Variants in RBFOX1 observed in about 807,000 individuals in gnomAD.
The protein encoded by RBFOX1 is RNA binding protein fox-1 homolog 1.
Under a neutral mutation model 57.7 loss-of-function variants are expected in RBFOX1, and 8 were observed. That is an observed-to-expected ratio of 0.14 (90% CI 0.08 to 0.25). The LOEUF is 0.25. Ranked by LOEUF, RBFOX1 falls within the 10% of genes least tolerant of loss-of-function variation. The pLI, the probability that RBFOX1 is intolerant of heterozygous loss-of-function variation, is 1.00. For synonymous variants in RBFOX1, 326 were observed against 222.4 expected (o/e 1.47, Z -4.15); for missense variants, 611 against 548.5 (o/e 1.11, Z -1.14).
chr16:6,040,093 C>A (rs2095419852), intron 1 of RBFOX1, among the ~76,000 whole-genome samples: 2 of 152,228 alleles, frequency 1.3e-5, no homozygotes. Flanking sequence ...GTATTTGTTA[C>A]AATTCATGAA....
chr16:6,543,432 C>T (rs904529691), intron 2 of RBFOX1, among the ~76,000 whole-genome samples: 4 of 152,108 alleles, frequency 2.6e-5, no homozygotes, highest in Non-Finnish European at 5.9e-5. Context: ...CTGATTCAAG[C>T]CTGCTTGCAG....
intron 3 of RBFOX1, among the ~76,000 whole-genome samples, chr16:7,035,781 G>T (rs1361395966): frequency 6.6e-6 from 1 of 152,014 alleles, no homozygotes; most frequent in Admixed American, 6.6e-5. Flanking sequence ...AGTCCTTCCA[G>T]TTAGGATTCC....
At chr16:5,991,403 G>A (rs962332084) in intron 4 of RBFOX1, among the ~76,000 whole-genome samples, 5 of 152,282 alleles carry the variant, frequency 3.3e-5, no homozygotes, top group East Asian at 3.9e-4. Flanking sequence ...CTGTGAGCAC[G>A]TAGAAGGAAT....
intron 4 of RBFOX1, among the ~76,000 whole-genome samples, chr16:7,251,908 C>G (rs997039986): frequency 6.6e-6 from 1 of 152,164 alleles, no homozygotes; most frequent in African/African-American, 2.4e-5. Context: ...AAGGAACCTC[C>G]ATACCATTTT....
At chr16:7,689,807 C>A (rs2076934186) in intron 14 of RBFOX1, among the ~76,000 whole-genome samples, 3 of 151,896 alleles carry the variant, frequency 2.0e-5, no homozygotes, top group Admixed American at 2.0e-4. Flanking sequence ...ACTCAAATAC[C>A]AAGAGTATGA....
At chr16:6,303,209 TATG>T (rs1216037980) in intron 1 of RBFOX1, among the ~76,000 whole-genome samples, 3 of 152,338 alleles carry the variant, frequency 2.0e-5, no homozygotes, top group African/African-American at 7.2e-5. Flanking sequence ...CTGAAGAAAA[TATG>T]ATGTCCACAT....
At chr16:6,644,503 C>G (rs74005613) in intron 2 of RBFOX1, among the ~76,000 whole-genome samples, 1 of 152,100 alleles carries the variant, frequency 6.6e-6, no homozygotes, top group Non-Finnish European at 1.5e-5. Context: ...GAACCTTTGA[C>G]TGTGTCTCCT....
At chr16:5,454,859 TTTCTTTCTTTCTTTC>T (rs2068546118) in intron 1 of RBFOX1, among the ~76,000 whole-genome samples, 1 of 13,706 alleles carries the variant, frequency 7.3e-5, no homozygotes, top group African/African-American at 2.3e-4. Flanking sequence ...CTTTCTTTTC[TTTCTTTCTTTCTTTC>T]TTTCTTTCTT....
chr16:7,023,870 C>A (rs117061809), intron 3 of RBFOX1, among the ~76,000 whole-genome samples: 1 of 152,022 alleles, frequency 6.6e-6, no homozygotes, highest in East Asian at 1.9e-4. Flanking sequence ...TATATATTTC[C>A]CACAGGATCA....
At chr16:5,740,751 T>G (rs927162217) in intron 3 of RBFOX1, among the ~76,000 whole-genome samples, 17 of 152,158 alleles carry the variant, frequency 1.1e-4, no homozygotes, top group African/African-American at 4.1e-4. Context: ...GGTACTCTAA[T>G]CCACATGCTT....
At chr16:6,909,658 G>A (rs892371890) in intron 3 of RBFOX1, among the ~76,000 whole-genome samples, 5 of 152,202 alleles carry the variant, frequency 3.3e-5, no homozygotes, top group African/African-American at 9.6e-5. Flanking sequence ...TATCAAGTGA[G>A]GATAGAGAAG....
chr16:5,917,747 C>T (rs1205349652), intron 4 of RBFOX1, among the ~76,000 whole-genome samples: 1 of 152,208 alleles, frequency 6.6e-6, no homozygotes, highest in Non-Finnish European at 1.5e-5. Flanking sequence ...CGTGATCCCT[C>T]AAATGTATTT....
chr16:6,574,092 A>G (rs1461615337), intron 2 of RBFOX1, among the ~76,000 whole-genome samples: 1 of 152,158 alleles, frequency 6.6e-6, no homozygotes, highest in African/African-American at 2.4e-5. Flanking sequence ...TCTTCATTCA[A>G]GCGATGAGAG....
chr16:6,738,788 C>T (rs2071204624), intron 3 of RBFOX1, among the ~76,000 whole-genome samples: 1 of 152,106 alleles, frequency 6.6e-6, no homozygotes, highest in Admixed American at 6.6e-5. Context: ...GGGGTGTGGT[C>T]TCTGACAACA....
chr16:7,651,448 G>A (rs952544151), intron 11 of RBFOX1, among the ~76,000 whole-genome samples: 2 of 152,118 alleles, frequency 1.3e-5, no homozygotes, highest in Non-Finnish European at 2.9e-5. Context: ...CTCCTTGGTC[G>A]CAGCCAGGGC....
chr16:6,812,953 A>T (rs1424364659), intron 3 of RBFOX1, among the ~76,000 whole-genome samples: 1 of 152,146 alleles, frequency 6.6e-6, no homozygotes, highest in African/African-American at 2.4e-5. Context: ...GAGAATAGGG[A>T]AGTAAAGGAA....
intron 3 of RBFOX1, among the ~76,000 whole-genome samples, chr16:6,673,345 T>A (rs149946748): frequency 9.2e-5 from 14 of 152,148 alleles, no homozygotes; most frequent in African/African-American, 3.4e-4. Flanking sequence ...CCCAGCACTT[T>A]GGGAGGCCTA....
At chr16:7,035,189 A>T (rs898050729) in intron 3 of RBFOX1, among the ~76,000 whole-genome samples, 2 of 151,916 alleles carry the variant, frequency 1.3e-5, no homozygotes, top group African/African-American at 4.8e-5. Flanking sequence ...GGTGATGCCA[A>T]CGCTGTTGGT....
At chr16:7,361,967 G>C (rs1339557083) in intron 4 of RBFOX1, among the ~76,000 whole-genome samples, 2 of 151,932 alleles carry the variant, frequency 1.3e-5, no homozygotes, top group African/African-American at 2.4e-5. Flanking sequence ...GTATGTTTGT[G>C]TGTATGCCAG....
Sources: gnomAD v4.1 joint callset for allele counts (sites outside exome capture counted in the v4.1 genomes callset) on GRCh38, gnomAD v4.1.1 for gene constraint, MANE v1.5 for transcripts, NCBI Gene and HGNC (gene_info 2026-07-23, HGNC 2026-07-21) for gene names.